Variants in XKR6 observed in about 807,000 individuals in gnomAD.
XKR6 encodes XK related 6.
Under a neutral mutation model 56.7 loss-of-function variants are expected in XKR6, and 22 were observed. That is an observed-to-expected ratio of 0.39 (90% CI 0.28 to 0.55). The LOEUF (loss-of-function observed/expected upper bound fraction) is 0.55, where lower values mean the gene tolerates loss of function less well. XKR6 is among the 20% of genes least tolerant of loss of function. The pLI is 0.66. For synonymous variants in XKR6, 524 were observed against 387.8 expected, an observed-to-expected ratio of 1.35 and a Z score of -4.13; for missense variants, 852 against 889.0, an observed-to-expected ratio of 0.96 and a Z score of 0.53.
intron 1 of XKR6, among the ~76,000 whole-genome samples, chr8:11,052,700 C>A (rs1389304960): frequency 1.3e-5 from 2 of 152,028 alleles, no homozygotes; most frequent in East Asian, 3.9e-4. Context: ...CCTCTCCTCT[C>A]TTCCCCACCC....
At chr8:11,100,273 C>G (rs1458828112) in intron 1 of XKR6, among the ~76,000 whole-genome samples, 3 of 152,094 alleles carry the variant, frequency 2.0e-5, no homozygotes, top group African/African-American at 4.8e-5. Flanking sequence ...AGGCTGGTCT[C>G]GAAATTCTTG....
intron 2 of XKR6, among the ~76,000 whole-genome samples, chr8:10,910,019 A>G (rs928861326): frequency 6.6e-6 from 1 of 152,022 alleles, no homozygotes; most frequent in Non-Finnish European, 1.5e-5. Flanking sequence ...AACACCCAGA[A>G]TCACCCATTT....
At chr8:11,181,706 T>C (rs1802990571) in intron 1 of XKR6, among the ~76,000 whole-genome samples, 1 of 152,234 alleles carries the variant, frequency 6.6e-6, no homozygotes, top group African/African-American at 2.4e-5. Flanking sequence ...GGGCAGGTAG[T>C]GAGCCAGGCA....
chr8:11,110,576 G>C (rs914531483), intron 1 of XKR6, among the ~76,000 whole-genome samples: 15 of 152,060 alleles, frequency 9.9e-5, no homozygotes, highest in African/African-American at 2.9e-4. Flanking sequence ...TTTCCAAGTT[G>C]CTCTGAATGT....
At chr8:10,955,335 G>C (rs1435906238) in intron 1 of XKR6, among the ~76,000 whole-genome samples, 1 of 152,116 alleles carries the variant, frequency 6.6e-6, no homozygotes, top group Non-Finnish European at 1.5e-5. Context: ...GACATGCCCA[G>C]CTAATTTTCT....
intron 1 of XKR6, among the ~76,000 whole-genome samples, chr8:10,999,397 T>G (rs971687443): frequency 6.6e-6 from 1 of 152,246 alleles, no homozygotes; most frequent in Non-Finnish European, 1.5e-5. Context: ...ATGTTCTCAT[T>G]AATGTGAATG....
intron 1 of XKR6, among the ~76,000 whole-genome samples, chr8:11,053,309 A>G (rs993853683): frequency 1.8e-4 from 28 of 152,004 alleles, no homozygotes; most frequent in African/African-American, 6.3e-4. Context: ...GCATTAAGCA[A>G]CCCCAAGGTC....
intron 1 of XKR6, among the ~76,000 whole-genome samples, chr8:11,003,210 T>C (rs1798286349): frequency 1.3e-5 from 2 of 152,152 alleles, no homozygotes; most frequent in Non-Finnish European, 2.9e-5. Flanking sequence ...CAGATGAAGC[T>C]GCACACCACC....
intron 1 of XKR6, among the ~76,000 whole-genome samples, chr8:11,146,975 A>C (rs1468974307): frequency 1.3e-5 from 2 of 152,096 alleles, no homozygotes; most frequent in East Asian, 1.9e-4. Flanking sequence ...GGGGAAGAGG[A>C]AAATGGGGAG....
At chr8:11,190,252 AAAGAAAGGAAAG>A (rs1803502599) in intron 1 of XKR6, among the ~76,000 whole-genome samples, 2 of 151,682 alleles carry the variant, frequency 1.3e-5, no homozygotes, top group African/African-American at 4.8e-5. Context: ...AAAGAAAAGA[AAAGAAAGGAAAG>A]GAAAAGAAAA....
intron 1 of XKR6, among the ~76,000 whole-genome samples, chr8:11,164,965 A>G (rs987943474): frequency 1.3e-5 from 2 of 152,056 alleles, no homozygotes; most frequent in Non-Finnish European, 1.5e-5. Context: ...TTTAAAGGAG[A>G]TATGTGCTTA....
intron 1 of XKR6, among the ~76,000 whole-genome samples, chr8:10,945,961 T>A (rs1467047601): frequency 1.3e-5 from 2 of 152,040 alleles, no homozygotes; most frequent in Non-Finnish European, 2.9e-5. Context: ...GGACTATATT[T>A]GATTCCTCTC....
intron 1 of XKR6, among the ~76,000 whole-genome samples, chr8:10,989,744 G>C (rs1483229740): frequency 6.6e-6 from 1 of 152,190 alleles, no homozygotes; most frequent in African/African-American, 2.4e-5. Context: ...CTGTTCAGAA[G>C]TATTATTAAT....
chr8:10,941,765 C>A (rs191977226), intron 1 of XKR6, among the ~76,000 whole-genome samples: 1 of 152,076 alleles, frequency 6.6e-6, no homozygotes, highest in African/African-American at 2.4e-5. Context: ...GGAGCTGAGA[C>A]CCCCCACCCT....
At chr8:11,007,544 C>T (rs137933629) in intron 1 of XKR6, among the ~76,000 whole-genome samples, 1,713 of 152,262 alleles carry the variant, frequency 0.011, 12 homozygotes, top group Middle Eastern at 0.02. Flanking sequence ...TCCTCATCAT[C>T]GCCATCAATA....
chr8:11,011,795 G>A (rs1043475804), intron 1 of XKR6, among the ~76,000 whole-genome samples: 1 of 152,172 alleles, frequency 6.6e-6, no homozygotes, highest in African/African-American at 2.4e-5. Context: ...AATATTTCAG[G>A]CAGAAGCCAT....
chr8:11,063,990 T>C (rs1414780460), intron 1 of XKR6, among the ~76,000 whole-genome samples: 2 of 152,220 alleles, frequency 1.3e-5, no homozygotes, highest in African/African-American at 2.4e-5. Flanking sequence ...AGTGCCTTGT[T>C]CCGCCTCTAT....
At position 11,047,167 on chromosome 8, in the gene XKR6, A is replaced by G. The variant is rs192862155; in HGVS notation, c.765-122337T>C. 1.7e-3 allele frequency among the ~76,000 whole-genome samples: 255 copies of G among 152,328 alleles called. 1 individual carries two copies. The highest frequency in any genetic ancestry group is 0.014 in the Admixed American group (207 of 15,296). On this transcript the variant is annotated intron_variant, in intron 1 of 2. Coordinates refer to ENST00000416569, the MANE Select transcript of XKR6 (RefSeq NM_173683.4). The stretch of plus-strand genomic sequence containing the variant: ...AATATTCTCACAGCAAGAAAAAAAT[A>G]ACTATGCGAGGGGAAGCTACACTAA...
intron 1 of XKR6, among the ~76,000 whole-genome samples, chr8:10,968,872 G>C (rs1050160842): frequency 6.6e-6 from 1 of 152,254 alleles, no homozygotes; most frequent in African/African-American, 2.4e-5. Context: ...GCTCTGAACA[G>C]CTGACAGCCG....
Sources: allele counts gnomAD v4.1 joint callset (sites outside exome capture counted in the v4.1 genomes callset), GRCh38; gene constraint gnomAD v4.1.1; transcripts MANE v1.5; gene names NCBI Gene and HGNC (gene_info 2026-07-23, HGNC 2026-07-21).